MIS18A: variants seen among roughly 807,000 people sequenced by gnomAD.
MIS18A encodes the protein MIS18 kinetochore protein A, also known as protein Mis18-alpha.
MIS18A carries 14 observed loss-of-function variants against 25.0 expected under a neutral mutation model. The observed-to-expected ratio is 0.56, with a 90% CI of 0.37 to 0.88. The LOEUF (loss-of-function observed/expected upper bound fraction) is 0.88, where lower values mean the gene tolerates loss of function less well. MIS18A is among the 40% of genes least tolerant of loss of function. MIS18A has a pLI of 0.00. For missense variants in MIS18A, 292 were observed against 290.8 expected, an observed-to-expected ratio of 1.00 and a Z score of -0.03; for synonymous variants, 134 against 118.6, an observed-to-expected ratio of 1.13 and a Z score of -0.84.
the MIS18A span, among the ~76,000 whole-genome samples, chr21:32,213,082 T>C: frequency 1.3e-5 from 2 of 152,212 alleles, no homozygotes; most frequent in African/African-American, 2.4e-5. Context: ...TGTGAATTGG[T>C]ACAACCTTTA....
the MIS18A span, among the ~76,000 whole-genome samples, chr21:32,204,777 C>T: frequency 6.6e-6 from 1 of 151,774 alleles, no homozygotes; most frequent in East Asian, 2.0e-4. Context: ...GTCCCAGCAA[C>T]TCGGGAGGTT....
the MIS18A span, among the ~76,000 whole-genome samples, chr21:32,198,591 T>C: frequency 6.6e-6 from 1 of 152,170 alleles, no homozygotes; most frequent in African/African-American, 2.4e-5. Context: ...TGCCCATGGC[T>C]TCTGCTCCAG....
the MIS18A span, among the ~76,000 whole-genome samples, chr21:32,209,732 TAGTG>T: frequency 6.6e-6 from 1 of 152,184 alleles, no homozygotes; most frequent in African/African-American, 2.4e-5. Context: ...GTTCTCATCA[TAGTG>T]AGTGAGTTCT....
the MIS18A span, among the ~76,000 whole-genome samples, chr21:32,255,935 C>T: frequency 6.6e-6 from 1 of 151,522 alleles, no homozygotes; most frequent in African/African-American, 2.4e-5. Context: ...GGGGTAAGTA[C>T]ATTTAATAGT....
the MIS18A span, among the ~76,000 whole-genome samples, chr21:32,227,957 T>C: frequency 2.0e-5 from 3 of 152,204 alleles, no homozygotes; most frequent in African/African-American, 7.2e-5. Context: ...GTCATCTCAG[T>C]AGACGTGGAA....
chr21:32,195,818 G>A, the MIS18A span, among the ~76,000 whole-genome samples: 2 of 151,936 alleles, frequency 1.3e-5, no homozygotes, highest in African/African-American at 2.4e-5. Context: ...TCAGGAGTTC[G>A]AGACCAGCCT....
rs188309575 is a variant in MIS18A at position 32,276,614 on chromosome 21, T to C, written c.335-1718A>G. Among the ~76,000 whole-genome samples the C allele has an allele frequency of 4.2e-3, 644 of 152,080 alleles. 6 individuals are homozygous for C. The highest frequency in any genetic ancestry group is 0.015 in the African/African-American group (620 of 41,500). ...GAAGCTTTTTTATGTTAATGAGTAC[T>C]GGAGTTGGGAAAACAATTTATATAA... On this transcript the variant is annotated intron_variant, in intron 1 of 4. Transcript: ENST00000290130.
chr21:32,217,876 A>G, the MIS18A span, among the ~76,000 whole-genome samples: 2 of 152,182 alleles, frequency 1.3e-5, no homozygotes, highest in African/African-American at 4.8e-5. Flanking sequence ...ATCCTTAAAC[A>G]TGAAGGTGAA....
At chr21:32,260,676 G>C in the MIS18A span, 1 of 152,384 alleles carries the variant, frequency 6.6e-6, no homozygotes, top group Non-Finnish European at 1.5e-5. Flanking sequence ...AATGCCCAAG[G>C]ATGAAAGCAA....
the MIS18A span, among the ~76,000 whole-genome samples, chr21:32,215,634 C>A: frequency 6.6e-6 from 1 of 152,154 alleles, no homozygotes; most frequent in Non-Finnish European, 1.5e-5. Context: ...ACATAGGTAT[C>A]TTCTTTTTGT....
the MIS18A span, among the ~76,000 whole-genome samples, chr21:32,245,135 C>T: frequency 1.1e-3 from 168 of 152,300 alleles, no homozygotes; most frequent in African/African-American, 3.8e-3. Flanking sequence ...TGAAGGCTCA[C>T]GCCATTGATT....
At chr21:32,180,881 C>T in the MIS18A span, among the ~76,000 whole-genome samples, 1 of 152,172 alleles carries the variant, frequency 6.6e-6, no homozygotes, top group Non-Finnish European at 1.5e-5. Flanking sequence ...GTCTATAACA[C>T]TTTCTGAAGA....
At chr21:32,239,807 T>C in the MIS18A span, among the ~76,000 whole-genome samples, 6 of 152,196 alleles carry the variant, frequency 3.9e-5, no homozygotes, top group South Asian at 8.3e-4. Context: ...TTTAGCCCTC[T>C]GAGGAAGAAA....
chr21:32,238,724 C>T, the MIS18A span, among the ~76,000 whole-genome samples: 6 of 152,250 alleles, frequency 3.9e-5, no homozygotes, highest in East Asian at 1.2e-3. Context: ...GGTCCCAAGC[C>T]CTTCTTGTAT....
chr21:32,271,666 G>A (rs1025568773), intron 2 of MIS18A, among the ~76,000 whole-genome samples: 6 of 152,032 alleles, frequency 3.9e-5, no homozygotes, highest in African/African-American at 9.7e-5. Flanking sequence ...GGCTGGTCTC[G>A]AACTCCTAGC....
chr21:32,222,975 C>T, the MIS18A span, among the ~76,000 whole-genome samples: 53 of 148,758 alleles, frequency 3.6e-4, no homozygotes, highest in Non-Finnish European at 6.4e-4. Context: ...AAGAAACTCA[C>T]TCAAAACCTC....
At chr21:32,166,421 TTC>T in the MIS18A span, among the ~76,000 whole-genome samples, 1 of 152,140 alleles carries the variant, frequency 6.6e-6, no homozygotes, top group East Asian at 1.9e-4. Flanking sequence ...AAATGTTTGA[TTC>T]TAGGGCTGGG....
chr21:32,186,057 T>C, the MIS18A span, among the ~76,000 whole-genome samples: 24 of 152,116 alleles, frequency 1.6e-4, 1 homozygote, highest in Non-Finnish European at 7.4e-5. Context: ...TTAATTTTGC[T>C]GCTGACAATG....
the MIS18A span, among the ~76,000 whole-genome samples, chr21:32,205,097 CTTTTTT>C: frequency 4.5e-5 from 3 of 66,182 alleles, no homozygotes; most frequent in African/African-American, 1.9e-4. Flanking sequence ...AGAACTTGTC[CTTTTTT>C]TTTTTTTTTT....
Sources: gnomAD v4.1 joint callset for allele counts (sites outside exome capture counted in the v4.1 genomes callset) on GRCh38, gnomAD v4.1.1 for gene constraint, MANE v1.5 for transcripts, NCBI Gene and HGNC (gene_info 2026-07-23, HGNC 2026-07-21) for gene names.